The following ZNRF3 variants were observed in gnomAD, a reference collection of about 807,000 sequenced individuals.
ZNRF3 encodes zinc and ring finger 3.
ZNRF3 carries 23 observed loss-of-function variants against 72.5 expected under a neutral mutation model. That is an observed-to-expected ratio of 0.32 (90% CI 0.23 to 0.45). The LOEUF (loss-of-function observed/expected upper bound fraction) is 0.45. ZNRF3 is among the 20% of genes least tolerant of loss of function. ZNRF3 has a pLI of 1.00. For missense variants in ZNRF3, 1,169 were observed against 1,272.1 expected (o/e 0.92, Z 1.23); for synonymous variants, 610 against 545.3 (o/e 1.12, Z -1.65).
chr22:29,006,213 C>CT (rs372438825), intron 2 of ZNRF3, among the ~76,000 whole-genome samples: 21 of 106,514 alleles, frequency 2.0e-4, no homozygotes, highest in African/African-American at 5.2e-4. Context: ...TCATCCGTTT[C>CT]TTTTTTTTTT....
At chr22:28,955,530 G>A (rs539440602) in intron 1 of ZNRF3, among the ~76,000 whole-genome samples, 2 of 152,306 alleles carry the variant, frequency 1.3e-5, no homozygotes, top group South Asian at 2.1e-4. Flanking sequence ...TGAATGTGGT[G>A]TATAGTTTTT....
intron 1 of ZNRF3, among the ~76,000 whole-genome samples, chr22:28,961,378 G>A (rs2035355819): frequency 6.6e-6 from 1 of 152,150 alleles, no homozygotes; most frequent in African/African-American, 2.4e-5. Flanking sequence ...ATCCCATTGG[G>A]ACAAGAACAC....
At chr22:29,020,142 C>T (rs950186521) in intron 2 of ZNRF3, among the ~76,000 whole-genome samples, 3 of 151,372 alleles carry the variant, frequency 2.0e-5, no homozygotes, top group Admixed American at 6.6e-5. Context: ...CTTTATGATA[C>T]CTAATACAAT....
At chr22:28,940,222 G>C (rs2034916258) in intron 1 of ZNRF3, among the ~76,000 whole-genome samples, 1 of 152,288 alleles carries the variant, frequency 6.6e-6, no homozygotes, top group East Asian at 1.9e-4. Context: ...ATACTGTAAA[G>C]AAGTTTTGGT....
intron 1 of ZNRF3, among the ~76,000 whole-genome samples, chr22:28,979,469 G>A (rs927074844): frequency 3.9e-5 from 6 of 152,198 alleles, no homozygotes; most frequent in African/African-American, 1.4e-4. Flanking sequence ...TTCTTGGGCT[G>A]CTGTGGCCCC....
intron 1 of ZNRF3, among the ~76,000 whole-genome samples, chr22:28,943,676 T>TG (rs374982670): frequency 1.3e-4 from 19 of 151,370 alleles, no homozygotes; most frequent in East Asian, 5.8e-4. Context: ...TTAACACACA[T>TG]GGGGGGGGAG....
intron 2 of ZNRF3, among the ~76,000 whole-genome samples, chr22:28,990,500 T>A (rs1395170687): frequency 6.6e-6 from 1 of 151,938 alleles, no homozygotes; most frequent in African/African-American, 2.4e-5. Flanking sequence ...GCCTGGCCAA[T>A]ATGGCGAAAT....
intron 1 of ZNRF3, among the ~76,000 whole-genome samples, chr22:28,949,961 A>AT (rs132560): frequency 0.84 from 126,931 of 150,654 alleles, 55,413 homozygotes; most frequent in East Asian, 0.95. Flanking sequence ...GCCACGCAGA[A>AT]TTTTTTTTTT....
chr22:29,007,757 T>C (rs1347522307), intron 2 of ZNRF3, among the ~76,000 whole-genome samples: 10 of 142,714 alleles, frequency 7.0e-5, no homozygotes, highest in Admixed American at 6.9e-5. Flanking sequence ...TCTTCCTTTT[T>C]TTTTTTTTTT....
chr22:28,993,963 G>A (rs986371686), intron 2 of ZNRF3, among the ~76,000 whole-genome samples: 1 of 151,982 alleles, frequency 6.6e-6, no homozygotes, highest in African/African-American at 2.4e-5. Flanking sequence ...GTGAGCCACC[G>A]CACTCAGCCC....
Position 29,050,570 on chromosome 22 carries a change from T to C in ZNRF3, c.2389T>C (p.Cys797Arg). 1 of 1,608,930 alleles carries C rather than the reference T, an allele frequency of 6.2e-7. No homozygotes were observed. Among genetic ancestry groups the C allele is most frequent in the Non-Finnish European group, 8.5e-7 (1 of 1,178,084 alleles). Residue 797 changes from cysteine to arginine, a missense_variant, in exon 8 of 9, where the codon TGC (cysteine) becomes CGC (arginine). Cys to Arg is a radical substitution (Grantham distance 180, BLOSUM62 -3). Around this residue, in one of 2 missense-constraint regions of ZNRF3, gnomAD observed 783 missense variants for 731.4 expected, o/e 1.07. Coordinates refer to ENST00000544604, the MANE Select transcript of ZNRF3 (RefSeq NM_001206998.2). ...CCGCGGGGGCGGAGGGGGCAGCGGCTGCTACACTGAGGACTACTCGGTGAG... is the reference window on the plus strand; with the variant it reads ...CCGCGGGGGCGGAGGGGGCAGCGGCCGCTACACTGAGGACTACTCGGTGAG... ...VARGGGGGSG[C>R]YTEDYSVSVQ...
intron 2 of ZNRF3, among the ~76,000 whole-genome samples, chr22:29,031,815 C>G (rs2036764625): frequency 6.6e-6 from 1 of 152,194 alleles, no homozygotes; most frequent in Non-Finnish European, 1.5e-5. Flanking sequence ...CCTCCCTGAC[C>G]ACAGGAGCAG....
At chr22:29,032,242 G>A (rs1350605621) in intron 2 of ZNRF3, among the ~76,000 whole-genome samples, 7 of 152,212 alleles carry the variant, frequency 4.6e-5, no homozygotes, top group Admixed American at 4.6e-4. Flanking sequence ...ATGGCCAAGG[G>A]TAGTCATCTG....
At chr22:28,890,233 G>C (rs2033859962) in intron 1 of ZNRF3, among the ~76,000 whole-genome samples, 1 of 152,212 alleles carries the variant, frequency 6.6e-6, no homozygotes, top group Non-Finnish European at 1.5e-5. Context: ...CGGTGTGGTG[G>C]CTCACGCCTG....
chr22:28,951,543 A>C (rs2035160904), intron 1 of ZNRF3, among the ~76,000 whole-genome samples: 1 of 152,206 alleles, frequency 6.6e-6, no homozygotes, highest in Non-Finnish European at 1.5e-5. Flanking sequence ...CCCCATAAGG[A>C]ATCAACCCTG....
intron 2 of ZNRF3, among the ~76,000 whole-genome samples, chr22:29,016,014 C>CAAAA (rs34796724): frequency 3.2e-4 from 33 of 102,402 alleles, no homozygotes; most frequent in African/African-American, 6.8e-4. Flanking sequence ...GAAACTGTCT[C>CAAAA]AAAAAAAAAA....
At chr22:28,973,956 T>C (rs1052547121) in intron 1 of ZNRF3, among the ~76,000 whole-genome samples, 4 of 143,734 alleles carry the variant, frequency 2.8e-5, no homozygotes, top group African/African-American at 1.0e-4. Flanking sequence ...TCTCTCTCTT[T>C]TTTTTTTTTT....
chr22:29,055,874 G>A lies in ZNRF3; in HGVS notation c.*2252G>A, dbSNP rs1353766199. On this transcript the variant is annotated 3_prime_UTR_variant, in exon 9 of 9. Transcript: ENST00000544604. ...CCTCGTCTGAAACCGAACTCCCAAAGTGGCTTTCTTTAGCCCTGGCTGGAA... is the reference window on the plus strand; with the variant it reads ...CCTCGTCTGAAACCGAACTCCCAAAATGGCTTTCTTTAGCCCTGGCTGGAA... 1 of 152,122 alleles carries A rather than the reference G, an allele frequency of 6.6e-6. No individual in the cohort carries two copies. Among genetic ancestry groups the A allele is most frequent in the Admixed American group, 6.5e-5 (1 of 15,276 alleles). 9.4% of individuals were successfully genotyped at this position (152,122 alleles called of 1,614,324 possible).
intron 2 of ZNRF3, among the ~76,000 whole-genome samples, chr22:29,024,228 C>T (rs981443542): frequency 2.0e-5 from 3 of 150,756 alleles, no homozygotes; most frequent in African/African-American, 7.3e-5. Flanking sequence ...CTCCACCTTT[C>T]TGTGGTTCAG....
Sources: gnomAD v4.1 joint callset for allele counts (sites outside exome capture counted in the v4.1 genomes callset) on GRCh38, gnomAD v4.1.1 for gene constraint, gnomAD v4.1.1 regional missense constraint, MANE v1.5 for transcripts, NCBI Gene and HGNC (gene_info 2026-07-23, HGNC 2026-07-21) for gene names.